KHDRBS2: variants seen among roughly 807,000 people sequenced by gnomAD.
KHDRBS2 encodes KH domain-containing, RNA-binding, signal transduction-associated protein 2.
Under a neutral mutation model 44.3 loss-of-function variants are expected in KHDRBS2, and 26 were observed. The ratio of observed to expected loss-of-function variants is 0.59; its 90% confidence interval spans 0.43 to 0.81. The LOEUF (loss-of-function observed/expected upper bound fraction) is 0.81, where lower values mean the gene tolerates loss of function less well. Among genes scored for constraint, KHDRBS2 ranks in the 40% least tolerant of loss-of-function variants. KHDRBS2 has a pLI of 0.00. For missense variants in KHDRBS2, 476 were observed against 433.1 expected (o/e 1.10, Z -0.88); for synonymous variants, 194 against 151.1 (o/e 1.28, Z -2.08).
At chr6:61,982,512 A>T (rs1774053222) in intron 3 of KHDRBS2, among the ~76,000 whole-genome samples, 1 of 151,898 alleles carries the variant, frequency 6.6e-6, no homozygotes, top group South Asian at 2.1e-4. Context: ...TCTACTAAAA[A>T]TACAAAAAAT....
Position 62,060,869 on chromosome 6 carries a change from C to A in KHDRBS2, c.220-12875G>T, listed in dbSNP as rs558391849. Among the ~76,000 whole-genome samples, 12 of 151,876 alleles carry A rather than the reference C, an allele frequency of 7.9e-5. No homozygotes were observed. The South Asian group carries it at 2.3e-3, about 29-fold the overall frequency. On this transcript the variant is annotated intron_variant, in intron 2 of 8. Transcript: ENST00000281156. ...TGATTAGATATATTGTGTGCTTAAT[C>A]AATATATGCCCCAGATGTTTCAAAA...
intron 6 of KHDRBS2, among the ~76,000 whole-genome samples, chr6:61,846,186 A>G (rs948781638): frequency 6.6e-6 from 1 of 152,154 alleles, no homozygotes; most frequent in Non-Finnish European, 1.5e-5. Context: ...CCCTTTTCTT[A>G]TACATTTCCC....
At chr6:61,953,200 C>T (rs1304382712) in intron 4 of KHDRBS2, among the ~76,000 whole-genome samples, 3 of 151,774 alleles carry the variant, frequency 2.0e-5, no homozygotes, top group Non-Finnish European at 4.4e-5. Flanking sequence ...TATAATGACC[C>T]AGTGAAAAGT....
chr6:61,648,035 A>T, the KHDRBS2 span, among the ~76,000 whole-genome samples: 3 of 151,772 alleles, frequency 2.0e-5, no homozygotes, highest in African/African-American at 7.2e-5. Context: ...TGATATCACA[A>T]AGGGGGGTTC....
At chr6:61,794,110 A>G (rs1484500753) in intron 6 of KHDRBS2, among the ~76,000 whole-genome samples, 1 of 152,206 alleles carries the variant, frequency 6.6e-6, no homozygotes, top group African/African-American at 2.4e-5. Flanking sequence ...AGGTCTAGAG[A>G]GTTTTGGTAT....
intron 3 of KHDRBS2, among the ~76,000 whole-genome samples, chr6:62,040,519 C>T (rs1457699460): frequency 6.6e-6 from 1 of 151,842 alleles, no homozygotes; most frequent in Non-Finnish European, 1.5e-5. Flanking sequence ...TTTTTTGGGC[C>T]ATAGATAGGA....
At chr6:62,242,385 C>T (rs1000670238) in intron 1 of KHDRBS2, among the ~76,000 whole-genome samples, 13 of 152,126 alleles carry the variant, frequency 8.5e-5, no homozygotes, top group African/African-American at 3.1e-4. Flanking sequence ...ACTGACATTT[C>T]AGGACAGGTA....
intron 6 of KHDRBS2, among the ~76,000 whole-genome samples, chr6:61,770,183 T>A (rs1780644417): frequency 6.6e-6 from 1 of 152,180 alleles, no homozygotes; most frequent in Non-Finnish European, 1.5e-5. Context: ...AAAACCCATC[T>A]GTACGTCACT....
At position 61,996,786 on chromosome 6, in the gene KHDRBS2, C is replaced by G. The variant is rs140048605; in HGVS notation, c.337-18574G>C. 3.8e-3 allele frequency among the ~76,000 whole-genome samples: 554 copies of G among 144,000 alleles called. 5 individuals are homozygous for G. The highest frequency in any genetic ancestry group is 0.013 in the African/African-American group (510 of 39,234). The allele number at this position is 144,000 out of a possible 152,430, so 94.5% of individuals were successfully genotyped here. ...TACACACTCTCTTTTACCCCTCCTC[C>G]CCCCCTCACCCCCCCGAGATAGAGT... On this transcript the variant is annotated intron_variant, in intron 3 of 8. Transcript: ENST00000281156.
chr6:62,157,323 T>C (rs1816676601), intron 2 of KHDRBS2, among the ~76,000 whole-genome samples: 1 of 148,752 alleles, frequency 6.7e-6, no homozygotes, highest in Non-Finnish European at 1.5e-5. Flanking sequence ...GAGACTCCTT[T>C]AAAAAAAAAA....
intron 7 of KHDRBS2, among the ~76,000 whole-genome samples, chr6:61,714,564 AT>A (rs1335253580): frequency 1.3e-5 from 2 of 151,922 alleles, no homozygotes; most frequent in Non-Finnish European, 2.9e-5. Context: ...AAAATAAATC[AT>A]TTTATATATA....
At chr6:62,188,147 T>C (rs1823830351) in intron 1 of KHDRBS2, among the ~76,000 whole-genome samples, 1 of 152,012 alleles carries the variant, frequency 6.6e-6, no homozygotes, top group South Asian at 2.1e-4. Context: ...GGATCTGCCC[T>C]CATGACCCAA....
intron 4 of KHDRBS2, among the ~76,000 whole-genome samples, chr6:61,901,669 T>C (rs943317715): frequency 1.3e-5 from 2 of 152,116 alleles, no homozygotes; most frequent in African/African-American, 4.8e-5. Flanking sequence ...GATAGCAACA[T>C]AAAATGAGAA....
At chr6:61,890,405 T>G (rs1157125235) in intron 6 of KHDRBS2, among the ~76,000 whole-genome samples, 2 of 152,214 alleles carry the variant, frequency 1.3e-5, no homozygotes, top group Non-Finnish European at 2.9e-5. Context: ...TTTTGTTGAT[T>G]ACTCTTGACT....
intron 2 of KHDRBS2, among the ~76,000 whole-genome samples, chr6:62,072,163 A>G (rs1272386218): frequency 1.3e-5 from 2 of 152,150 alleles, no homozygotes; most frequent in Non-Finnish European, 2.9e-5. Flanking sequence ...GGTGTATAAG[A>G]GTGCTTGTGA....
intron 6 of KHDRBS2, among the ~76,000 whole-genome samples, chr6:61,838,473 A>G (rs1793069685): frequency 6.6e-6 from 1 of 151,992 alleles, no homozygotes; most frequent in East Asian, 1.9e-4. Context: ...TTTATCTCAA[A>G]ATATTAATAT....
At chr6:61,752,327 G>A (rs534414343) in intron 6 of KHDRBS2, among the ~76,000 whole-genome samples, 1 of 152,184 alleles carries the variant, frequency 6.6e-6, no homozygotes, top group African/African-American at 2.4e-5. Flanking sequence ...AGAAGAATAA[G>A]GCTCACAGAG....
chr6:61,702,699 T>C (rs1008808852), intron 7 of KHDRBS2, among the ~76,000 whole-genome samples: 4 of 151,938 alleles, frequency 2.6e-5, no homozygotes, highest in South Asian at 2.1e-4. Flanking sequence ...TTGACAGCAA[T>C]TGGAACAGTA....
chr6:61,653,139 A>G, the KHDRBS2 span, among the ~76,000 whole-genome samples: 1 of 152,098 alleles, frequency 6.6e-6, no homozygotes, highest in African/African-American at 2.4e-5. Flanking sequence ...GGACACTGAA[A>G]ATAACAGCTT....
Sources: allele counts gnomAD v4.1 joint callset (sites outside exome capture counted in the v4.1 genomes callset), GRCh38; gene constraint gnomAD v4.1.1; transcripts MANE v1.5; gene names NCBI Gene and HGNC (gene_info 2026-07-23, HGNC 2026-07-21).